Variants in PTPRD observed in about 807,000 individuals in gnomAD.
PTPRD encodes receptor-type tyrosine-protein phosphatase delta.
A neutral mutation model predicts 214.5 loss-of-function variants in PTPRD; 34 were observed. That is an observed-to-expected ratio of 0.16 (90% CI 0.12 to 0.21). The LOEUF is 0.21. Among genes scored for constraint, PTPRD ranks in the 10% least tolerant of loss-of-function variants. The pLI is 1.00. For missense variants in PTPRD, 2,545 were observed against 2,398.7 expected, an observed-to-expected ratio of 1.06 and a Z score of -1.27; for synonymous variants, 1,128 against 845.7, an observed-to-expected ratio of 1.33 and a Z score of -5.79.
intron 10 of PTPRD, among the ~76,000 whole-genome samples, chr9:9,138,115 T>C (rs2099853878): frequency 6.6e-6 from 1 of 152,096 alleles, no homozygotes; most frequent in South Asian, 2.1e-4. Context: ...AGATGAATAA[T>C]ACCTGTTAAA....
chr9:9,318,486 G>C (rs1046707085), intron 9 of PTPRD, among the ~76,000 whole-genome samples: 9 of 151,982 alleles, frequency 5.9e-5, no homozygotes, highest in Non-Finnish European at 1.3e-4. Context: ...TCACCTCCAA[G>C]CTCCAGTTTG....
At chr9:8,496,976 A>T (rs979368014) in intron 26 of PTPRD, among the ~76,000 whole-genome samples, 1 of 152,234 alleles carries the variant, frequency 6.6e-6, no homozygotes, top group Non-Finnish European at 1.5e-5. Context: ...GCCTCCTCTG[A>T]CTGTCACAAG....
chr9:8,835,889 T>C (rs1167701763), intron 11 of PTPRD, among the ~76,000 whole-genome samples: 1 of 152,092 alleles, frequency 6.6e-6, no homozygotes, highest in Non-Finnish European at 1.5e-5. Context: ...CATATTATTA[T>C]ATATCTCTTT....
At chr9:9,744,164 C>A (rs188526963) in intron 6 of PTPRD, among the ~76,000 whole-genome samples, 1 of 152,026 alleles carries the variant, frequency 6.6e-6, no homozygotes, top group African/African-American at 2.4e-5. Context: ...TTCAACCTTC[C>A]AAATGATCAC....
intron 39 of PTPRD, among the ~76,000 whole-genome samples, chr9:8,362,994 T>G (rs2133969306): frequency 6.6e-6 from 1 of 152,198 alleles, no homozygotes; most frequent in African/African-American, 2.4e-5. Context: ...CAGTTTAACA[T>G]TTTAAAATTG....
At chr9:8,466,048 A>G (rs560278371) in intron 31 of PTPRD, among the ~76,000 whole-genome samples, 1 of 152,032 alleles carries the variant, frequency 6.6e-6, no homozygotes, top group East Asian at 1.9e-4. Flanking sequence ...GATTTATTAA[A>G]TAAGTATTAA....
intron 8 of PTPRD, among the ~76,000 whole-genome samples, chr9:9,523,289 C>G (rs970393887): frequency 6.6e-6 from 1 of 151,920 alleles, no homozygotes; most frequent in Admixed American, 6.6e-5. Flanking sequence ...TGATATCTTC[C>G]TGTACACTAT....
intron 10 of PTPRD, among the ~76,000 whole-genome samples, chr9:9,033,729 G>A (rs965513001): frequency 1.3e-5 from 2 of 151,530 alleles, no homozygotes; most frequent in African/African-American, 2.4e-5. Flanking sequence ...TTCTCTCTTG[G>A]GTTTAGTTAC....
chr9:8,972,121 A>C (rs1373729478), intron 11 of PTPRD, among the ~76,000 whole-genome samples: 2 of 151,918 alleles, frequency 1.3e-5, no homozygotes, highest in African/African-American at 4.8e-5. Context: ...GCATTACCTC[A>C]CCCAATGACC....
intron 9 of PTPRD, among the ~76,000 whole-genome samples, chr9:9,356,503 T>C (rs2053845185): frequency 6.6e-6 from 1 of 151,388 alleles, no homozygotes; most frequent in Admixed American, 6.6e-5. Context: ...ATCATATGAG[T>C]GTTTGCCACC....
intron 5 of PTPRD, among the ~76,000 whole-genome samples, chr9:9,885,742 T>C (rs574814246): frequency 2.0e-5 from 3 of 152,180 alleles, no homozygotes; most frequent in East Asian, 3.9e-4. Context: ...CCAGATCTTC[T>C]AGAAGGAAAA....
intron 10 of PTPRD, among the ~76,000 whole-genome samples, chr9:9,165,182 A>C (rs759844620): frequency 6.6e-6 from 1 of 152,234 alleles, no homozygotes; most frequent in Non-Finnish European, 1.5e-5. Context: ...GATGTGAATA[A>C]GAATTGTTCT....
chr9:8,442,534 C>A lies in PTPRD; in HGVS notation c.3989-5845G>T, dbSNP rs1289182393. Among the ~76,000 whole-genome samples the A allele has an allele frequency of 3.9e-5, 6 of 152,042 alleles. No homozygotes were observed. In the East Asian group the frequency reaches 1.2e-3, roughly 29 times the overall value. On this transcript the variant is annotated intron_variant, in intron 34 of 45. Transcript: ENST00000381196. ...CCTTACTGATAAATTGTGATAAAGG[C>A]TGGAGAACAGTTTGTGCTTATGGAC...
intron 2 of PTPRD, among the ~76,000 whole-genome samples, chr9:10,609,765 AG>A (rs1263417622): frequency 6.6e-6 from 1 of 152,162 alleles, no homozygotes; most frequent in Non-Finnish European, 1.5e-5. Context: ...TTCTAAATTA[AG>A]TGTATTTAGT....
intron 5 of PTPRD, among the ~76,000 whole-genome samples, chr9:9,875,084 G>T (rs1424996866): frequency 6.6e-6 from 1 of 151,920 alleles, no homozygotes; most frequent in African/African-American, 2.4e-5. Flanking sequence ...CATCAATAAG[G>T]CTTTTTATTG....
At chr9:9,129,417 T>C (rs370640727) in intron 10 of PTPRD, among the ~76,000 whole-genome samples, 3 of 152,110 alleles carry the variant, frequency 2.0e-5, no homozygotes, top group African/African-American at 4.8e-5. Flanking sequence ...GAGAATTAAA[T>C]ATTCGATTCG....
At chr9:8,909,293 A>G (rs1232521421) in intron 11 of PTPRD, among the ~76,000 whole-genome samples, 1 of 152,134 alleles carries the variant, frequency 6.6e-6, no homozygotes, top group Non-Finnish European at 1.5e-5. Context: ...AGAACCAAAC[A>G]AAGACATCAC....
At chr9:9,497,616 C>T (rs938971146) in intron 8 of PTPRD, among the ~76,000 whole-genome samples, 2 of 152,056 alleles carry the variant, frequency 1.3e-5, no homozygotes, top group Non-Finnish European at 2.9e-5. Context: ...TCCATGTCAA[C>T]GATCACCATC....
chr9:9,341,350 C>T (rs2046722396), intron 9 of PTPRD, among the ~76,000 whole-genome samples: 1 of 152,100 alleles, frequency 6.6e-6, no homozygotes, highest in Non-Finnish European at 1.5e-5. Context: ...ACTCTCCATT[C>T]AGTTGTTGCT....
Sources: allele counts gnomAD v4.1 joint callset (sites outside exome capture counted in the v4.1 genomes callset), GRCh38; gene constraint gnomAD v4.1.1; transcripts MANE v1.5; gene names NCBI Gene and HGNC (gene_info 2026-07-23, HGNC 2026-07-21).